CACNA2D3: variants seen among roughly 807,000 people sequenced by gnomAD.
The protein encoded by CACNA2D3 is voltage-dependent calcium channel subunit alpha-2/delta-3.
A neutral mutation model predicts 160.6 loss-of-function variants in CACNA2D3; 60 were observed. The observed-to-expected ratio is 0.37, with a 90% CI of 0.30 to 0.46. The LOEUF (loss-of-function observed/expected upper bound fraction) is 0.46, where lower values mean the gene tolerates loss of function less well. Among genes scored for constraint, CACNA2D3 ranks in the 20% least tolerant of loss-of-function variants. The pLI is 1.00. For synonymous variants in CACNA2D3, 558 were observed against 492.9 expected (o/e 1.13, Z -1.75); for missense variants, 1,205 against 1,365.0 (o/e 0.88, Z 1.85).
intron 11 of CACNA2D3, among the ~76,000 whole-genome samples, chr3:54,698,285 A>G (rs1700701967): frequency 6.6e-6 from 1 of 152,180 alleles, no homozygotes; most frequent in African/African-American, 2.4e-5. Context: ...GGGGATGGTT[A>G]ACTTATTGAC....
intron 33 of CACNA2D3, among the ~76,000 whole-genome samples, chr3:55,008,834 G>A (rs1703149885): frequency 6.7e-6 from 1 of 148,878 alleles, no homozygotes; most frequent in Non-Finnish European, 1.5e-5. Flanking sequence ...TGATTTTTAT[G>A]AAGTTCCATT....
chr3:54,770,664 T>C (rs990737624), intron 13 of CACNA2D3, among the ~76,000 whole-genome samples: 2 of 152,208 alleles, frequency 1.3e-5, no homozygotes, highest in African/African-American at 4.8e-5. Context: ...CCTGGACATG[T>C]GATCTGGAAG....
At chr3:54,352,228 T>G (rs1273792878) in intron 3 of CACNA2D3, among the ~76,000 whole-genome samples, 1 of 152,128 alleles carries the variant, frequency 6.6e-6, no homozygotes, top group East Asian at 1.9e-4. Flanking sequence ...CAAGCTAACT[T>G]TATTCCTGGG....
intron 27 of CACNA2D3, among the ~76,000 whole-genome samples, chr3:54,951,163 T>TG (rs1283732111): frequency 1.3e-5 from 2 of 152,204 alleles, no homozygotes; most frequent in Non-Finnish European, 2.9e-5. Flanking sequence ...TGTAATATTT[T>TG]GGGGCATAAC....
intron 13 of CACNA2D3, among the ~76,000 whole-genome samples, chr3:54,801,728 C>T (rs1211999253): frequency 6.6e-6 from 1 of 151,940 alleles, no homozygotes; most frequent in Non-Finnish European, 1.5e-5. Flanking sequence ...AAAAGAAACA[C>T]TTAGGAAAGT....
intron 25 of CACNA2D3, among the ~76,000 whole-genome samples, chr3:54,895,748 G>A (rs550260566): frequency 1.2e-4 from 18 of 152,294 alleles, no homozygotes; most frequent in African/African-American, 3.6e-4. Context: ...TAACCAGGCG[G>A]TCATCCCCCC....
intron 2 of CACNA2D3, among the ~76,000 whole-genome samples, chr3:54,274,580 A>T (rs1448613259): frequency 6.6e-6 from 1 of 152,240 alleles, no homozygotes; most frequent in Non-Finnish European, 1.5e-5. Flanking sequence ...AAAAATTACT[A>T]TTGCAAAATA....
rs1249226482 is a variant in CACNA2D3, at chr3:54,386,730, G to A, written c.337G>A (p.Ala113Thr). Residue 113 changes from alanine to threonine, a missense_variant, in exon 4 of 38, where the codon GCA becomes ACA. Physicochemically the swap from Ala to Thr is moderately conservative, Grantham distance 58. Coordinates refer to ENST00000474759, the MANE Select transcript of CACNA2D3 (RefSeq NM_018398.3). Reference protein sequence around the residue: ...SEAVRRLVEAAEEAHLKHEFD... With the variant: ...SEAVRRLVEATEEAHLKHEFD... ...TTTTTTTTAGCGTCTGGTGGAGGCTGCAGAAGAAGCACACCTGAAACATGA... is the reference window on the plus strand; with the variant it reads ...TTTTTTTTAGCGTCTGGTGGAGGCTACAGAAGAAGCACACCTGAAACATGA... 6.4e-7 allele frequency: 1 copy of A among 1,565,922 alleles called. No homozygotes were observed.
chr3:54,651,577 G>C (rs755918856), intron 11 of CACNA2D3, among the ~76,000 whole-genome samples: 2 of 152,196 alleles, frequency 1.3e-5, no homozygotes, highest in East Asian at 1.9e-4. Context: ...TCATGGAATG[G>C]CTTAGGGGAC....
intron 4 of CACNA2D3, among the ~76,000 whole-genome samples, chr3:54,413,932 TCTTCA>T (rs1699713715): frequency 6.6e-6 from 1 of 150,812 alleles, no homozygotes; most frequent in Non-Finnish European, 1.5e-5. Flanking sequence ...TTTTTTTGCC[TCTTCA>T]CTTGTCTAGT....
chr3:55,073,431 T>G lies in CACNA2D3; in HGVS notation c.2988-14T>G, dbSNP rs1236330476. 6.2e-7 allele frequency: 1 copy of G among 1,603,166 alleles called. No homozygotes were observed. The highest frequency in any genetic ancestry group is 8.5e-7 in the Non-Finnish European group (1 of 1,170,106). On this transcript the variant is annotated splice_polypyrimidine_tract_variant and intron_variant, in intron 35 of 37. Coordinates refer to ENST00000474759, the MANE Select transcript of CACNA2D3 (RefSeq NM_018398.3). ...GATGGTAAATGACTGCCTCGCTACC[T>G]CTTGTTCCAACAGGTCCTTTGTCAT...
chr3:54,503,628 A>G lies in CACNA2D3; in HGVS notation c.518A>G (p.Gln173Arg). The G allele has an allele frequency of 6.2e-7, 1 of 1,613,882 alleles. No individual in the cohort carries two copies. Among genetic ancestry groups the G allele is most frequent in the Non-Finnish European group, 8.5e-7 (1 of 1,179,816 alleles). ...LPVNISLSDV[Q>R]VPTNMYNKDP... ...GTGAACATCAGTCTAAGTGACGTCC[A>G]AGTACCAACGAACATGTACAACAAA... The change falls in exon 5 of 38, where the codon CAA (glutamine) becomes CGA (arginine). Residue 173 changes from glutamine (Q) to arginine (R), a missense_variant. Around this residue, in one of 3 missense-constraint regions of CACNA2D3, gnomAD observed 131 missense variants for 201.5 expected, o/e 0.65. Coordinates refer to ENST00000474759, the MANE Select transcript of CACNA2D3 (RefSeq NM_018398.3).
At position 54,967,231 on chromosome 3, in the gene CACNA2D3, C is replaced by A. The variant is rs564073925; in HGVS notation, c.2450-1219C>A. ...CTCTCAGGGCTGGCTTCAACAATTT[C>A]TTTAGGAAGTAGAAATGCCCTTGAT... On this transcript the variant is annotated intron_variant, in intron 27 of 37. Transcript: ENST00000474759. 11 of 152,336 alleles carry A rather than the reference C, an allele frequency of 7.2e-5. No individual in the cohort carries two copies. The South Asian group carries it at 2.3e-3, about 32-fold the overall frequency. 9.4% of individuals were successfully genotyped at this position (152,336 alleles called of 1,614,324 possible). A position where few individuals can be genotyped will look rare whatever the true frequency, so the allele number is the denominator to read the frequency against.
chr3:54,471,860 G>GTTTAGTTACT (rs1700737845), intron 4 of CACNA2D3, among the ~76,000 whole-genome samples: 3 of 152,200 alleles, frequency 2.0e-5, no homozygotes, highest in Admixed American at 6.5e-5. Context: ...GGAAGAAGTC[G>GTTTAGTTACT]AATCCCTAAA....
chr3:54,720,104 G>C (rs563101723), intron 11 of CACNA2D3, among the ~76,000 whole-genome samples: 1 of 151,762 alleles, frequency 6.6e-6, no homozygotes, highest in South Asian at 2.1e-4. Context: ...TTTTGGCATT[G>C]TACATCTGTT....
intron 25 of CACNA2D3, among the ~76,000 whole-genome samples, chr3:54,895,299 G>A (rs151073409): frequency 1.3e-5 from 2 of 152,280 alleles, no homozygotes; most frequent in East Asian, 1.9e-4. Flanking sequence ...TACACCAAGC[G>A]CCTGCTGAGA....
chr3:54,384,150 G>C (rs757274303), intron 3 of CACNA2D3, among the ~76,000 whole-genome samples: 1 of 151,282 alleles, frequency 6.6e-6, no homozygotes, highest in Non-Finnish European at 1.5e-5. Context: ...AGTATTATCT[G>C]TCTTGGTAAT....
chr3:54,441,901 T>C (rs1700150585), intron 4 of CACNA2D3, among the ~76,000 whole-genome samples: 1 of 152,212 alleles, frequency 6.6e-6, no homozygotes, highest in Admixed American at 6.5e-5. Context: ...TACTTATGCA[T>C]TGTTTTATAC....
chr3:54,555,222 A>G (rs1185354427), intron 5 of CACNA2D3, among the ~76,000 whole-genome samples: 1 of 152,182 alleles, frequency 6.6e-6, no homozygotes, highest in Non-Finnish European at 1.5e-5. Context: ...AGTAACAGCC[A>G]GTATTTATGA....
Sources: gnomAD v4.1 joint callset for allele counts (sites outside exome capture counted in the v4.1 genomes callset) on GRCh38, gnomAD v4.1.1 for gene constraint, gnomAD v4.1.1 regional missense constraint, MANE v1.5 for transcripts, NCBI Gene and HGNC (gene_info 2026-07-23, HGNC 2026-07-21) for gene names.